Variants in OR4D1 observed in about 807,000 individuals in gnomAD.
The protein encoded by OR4D1 is olfactory receptor 4D1.
Under a neutral mutation model 14.2 loss-of-function variants are expected in OR4D1, and 10 were observed. The ratio of observed to expected loss-of-function variants is 0.71; its 90% CI spans 0.44 to 1.20. OR4D1 has a LOEUF of 1.20. Ranked by LOEUF, OR4D1 falls within the 50% of genes most tolerant of loss-of-function variation. The pLI is 0.00. For missense variants in OR4D1, 345 were observed against 376.6 expected, an observed-to-expected ratio of 0.92 and a Z score of 0.70; for synonymous variants, 141 against 147.4, an observed-to-expected ratio of 0.96 and a Z score of 0.32.
At position 58,158,287 on chromosome 17, in the gene OR4D1, A is replaced by T. The variant is rs1967803643; in HGVS notation, c.*2201A>T. ...TTGATGGGATGATTGACTTCTGCTT[A>T]TGGAAAACAAATATTAGAATTGGAC... On this transcript the variant is annotated 3_prime_UTR_variant, in exon 4 of 4. Transcript: ENST00000268912. 6.6e-6 allele frequency: 1 copy of T among 152,228 alleles called. No homozygotes were observed. The highest frequency in any genetic ancestry group is 2.4e-5 in the African/African-American group (1 of 41,458). 9.4% of individuals were successfully genotyped at this position (152,228 alleles called of 1,614,324 possible).
intron 1 of OR4D1, among the ~76,000 whole-genome samples, chr17:58,149,055 C>T (rs564894463): frequency 1.3e-5 from 2 of 152,298 alleles, no homozygotes; most frequent in Admixed American, 6.5e-5. Flanking sequence ...ATTTTGGGAA[C>T]CCACTTATTC....
chr17:58,157,226 G>A lies in OR4D1; in HGVS notation c.*1140G>A. 1 of 1,465,060 alleles carries A rather than the reference G, an allele frequency of 6.8e-7. No homozygotes were observed. The highest frequency in any genetic ancestry group is 2.5e-5 in the East Asian group (1 of 40,314). 90.8% of individuals were successfully genotyped at this position (1,465,060 alleles called of 1,614,324 possible). A position where few individuals can be genotyped will look rare whatever the true frequency, so the allele number is the denominator to read the frequency against. On this transcript the variant is annotated 3_prime_UTR_variant, in exon 4 of 4. Coordinates refer to ENST00000268912, the MANE Select transcript of OR4D1 (RefSeq NM_001386095.1). The stretch of plus-strand genomic sequence containing the variant: ...AAAGCGCCTCTTCCGGGGCCACCCT[G>A]CGGCTACTGCTGCTGCCGGGGCACG...
rs140837404 is a variant in OR4D1 at position 58,156,083 on chromosome 17, G to GT, written c.931dup (p.Ter311LeufsTer5). ...GCAAGTGCCTAGTAATTTGCAGGGA[G>GT]TAAACTTTAAGTAAGTTGACTTTAA... is the stretch of plus-strand genomic sequence containing the variant. On this transcript the variant is annotated frameshift_variant, in exon 4 of 4. Coordinates refer to ENST00000268912, the MANE Select transcript of OR4D1 (RefSeq NM_001386095.1). LOFTEE classifies it high-confidence loss of function. 5.8e-3 allele frequency: 9,126 copies of GT among 1,570,894 alleles called. 133 individuals are homozygous for GT. The highest frequency in any genetic ancestry group is 0.058 in the African/African-American group (4,257 of 73,680).
In OR4D1 at chr17:58,149,746, C is replaced by T. The variant is rs1967678573; in HGVS notation, c.-177C>T. 2 of 152,214 alleles carry T rather than the reference C, an allele frequency of 1.3e-5. No individual in the cohort carries two copies. Among genetic ancestry groups the T allele is most frequent in the Admixed American group, 1.3e-4 (2 of 15,286 alleles). 9.4% of individuals were successfully genotyped at this position (152,214 alleles called of 1,614,324 possible). On this transcript the variant is annotated 5_prime_UTR_variant, in exon 2 of 4. Coordinates refer to ENST00000268912, the MANE Select transcript of OR4D1 (RefSeq NM_001386095.1). ...GATGAAGGCACTGAGACCTGAGGGA[C>T]CGAAGAAGAGATAAGTTTGGCTGAA...
In OR4D1 at chr17:58,156,937, C is replaced by T; in HGVS notation, c.*851C>T. 1.5e-6 allele frequency: 1 copy of T among 650,948 alleles called. No individual in the cohort carries two copies. Among genetic ancestry groups the T allele is most frequent in the South Asian group, 1.6e-5 (1 of 61,342 alleles). 40.3% of individuals were successfully genotyped at this position (650,948 alleles called of 1,614,324 possible). A position where few individuals can be genotyped will look rare whatever the true frequency, so the allele number is the denominator to read the frequency against. ...TTAGAAAGTTATCTCGCCCTCCCTC[C>T]TCCCCCACAAAAAAAGTTTGAGTCG... On this transcript the variant is annotated 3_prime_UTR_variant, in exon 4 of 4. Transcript: ENST00000268912.
rs566358566 is a variant in OR4D1, at chr17:58,154,201, C to G, written c.-20+238C>G. Among the ~76,000 whole-genome samples the G allele has an allele frequency of 4.0e-5, 6 of 151,656 alleles. No homozygotes were observed. In the East Asian group the frequency reaches 9.7e-4, roughly 24 times the overall value. ...TCTCAAACTCCTGGCCTCAAGTGAT[C>G]CTCTTGCCTTGGCTTCCCAAAGTAG... On this transcript the variant is annotated intron_variant, in intron 3 of 3. Transcript: ENST00000268912.
In OR4D1 at chr17:58,148,778, G is replaced by A. The variant is rs576954977; in HGVS notation, c.-495+194G>A. 4.6e-5 allele frequency among the ~76,000 whole-genome samples: 7 copies of A among 152,162 alleles called. No homozygotes were observed. In the East Asian group the frequency reaches 9.6e-4, roughly 21 times the overall value. On this transcript the variant is annotated intron_variant, in intron 1 of 3. Transcript: ENST00000268912. ...ATAGACATACACTGTTATCTCCCCC[G>A]CCTCCCACATACATACTACAGCTTC... is the stretch of plus-strand genomic sequence containing the variant.
rs149874258 is a variant in OR4D1, at chr17:58,157,814, G to C, written c.*1728G>C. On this transcript the variant is annotated 3_prime_UTR_variant, in exon 4 of 4. Coordinates refer to ENST00000268912, the MANE Select transcript of OR4D1 (RefSeq NM_001386095.1). ...GTACCACCTGTCCTAAGGAAGACCA[G>C]ATCAATAGACTCCATGATGGATGTT... The C allele has an allele frequency of 5.5e-4, 884 of 1,601,134 alleles. No homozygotes were observed. In the African/African-American group the frequency reaches 9.8e-3, roughly 18 times the overall value.
At chr17:58,151,188 C>T (rs778271986) in intron 2 of OR4D1, among the ~76,000 whole-genome samples, 9 of 151,994 alleles carry the variant, frequency 5.9e-5, no homozygotes, top group Non-Finnish European at 1.2e-4. Context: ...AGTCTTAAAA[C>T]CCCTCATGGA....
chr17:58,155,195 CTT>C lies in OR4D1; in HGVS notation c.43_44del (p.Leu15ArgfsTer37). 6.2e-7 allele frequency: 1 copy of C among 1,614,162 alleles called. No individual in the cohort carries two copies. The highest frequency in any genetic ancestry group is 8.5e-7 in the Non-Finnish European group (1 of 1,180,016). On this transcript the variant is annotated frameshift_variant, in exon 4 of 4. Coordinates refer to ENST00000268912, the MANE Select transcript of OR4D1 (RefSeq NM_001386095.1). LOFTEE classifies it high-confidence loss of function. ...NTTQVSMFVL[L>X]GFSQTQELQK... is the part of the protein sequence containing the mutation. ...CCACACAGGTATCAATGTTTGTCCTCTTAGGGTTTTCACAGACCCAAGAGCTC... is the reference window on the plus strand; with the variant it reads ...CCACACAGGTATCAATGTTTGTCCTCAGGGTTTTCACAGACCCAAGAGCTC...
chr17:58,157,034 G>T lies in OR4D1; in HGVS notation c.*948G>T. 1 of 1,075,396 alleles carries T rather than the reference G, an allele frequency of 9.3e-7. No homozygotes were observed. The highest frequency in any genetic ancestry group is 2.1e-5 in the Admixed American group (1 of 48,588). 66.6% of individuals were successfully genotyped at this position (1,075,396 alleles called of 1,614,324 possible). Reference sequence around the variant, plus strand: ...CAGGGAAGGCATGGCTTCTGTTTTCGTCCAATGAGAAGGGGCCAGCGGTGG... The same window carrying T: ...CAGGGAAGGCATGGCTTCTGTTTTCTTCCAATGAGAAGGGGCCAGCGGTGG... On this transcript the variant is annotated 3_prime_UTR_variant, in exon 4 of 4. Transcript: ENST00000268912.
rs982847861 is a variant in OR4D1, at chr17:58,157,647, T to C, written c.*1561T>C. The C allele has an allele frequency of 2.5e-6, 4 of 1,613,838 alleles. No homozygotes were observed. Among genetic ancestry groups the C allele is most frequent in the Non-Finnish European group, 1.7e-6 (2 of 1,179,852 alleles). The stretch of plus-strand genomic sequence containing the variant: ...CTGAAAATGGCTGCAAAACCTATGC[T>C]ACCCTCCAGCTTCAGTCTCCCTTTC... On this transcript the variant is annotated 3_prime_UTR_variant, in exon 4 of 4. Transcript: ENST00000268912.
chr17:58,149,960 C>T (rs912917451), intron 2 of OR4D1, among the ~76,000 whole-genome samples, 164 bp downstream of exon 2: 2 of 152,174 alleles, frequency 1.3e-5, no homozygotes, highest in Admixed American at 6.5e-5. Context: ...ATGGTACTTA[C>T]TATACTTATA....
chr17:58,157,613 C>G lies in OR4D1; in HGVS notation c.*1527C>G. 1 of 1,613,766 alleles carries G rather than the reference C, an allele frequency of 6.2e-7. No homozygotes were observed. The highest frequency in any genetic ancestry group is 8.5e-7 in the Non-Finnish European group (1 of 1,179,776). ...GACGAAAAGACTGCAGGAGTCAGAA[C>G]TGGAAAAGCTGAAAATGGCTGCAAA... On this transcript the variant is annotated 3_prime_UTR_variant, in exon 4 of 4. Transcript: ENST00000268912.
chr17:58,155,869 C>T lies in OR4D1; in HGVS notation c.716C>T (p.Thr239Ile), dbSNP rs757970517. 5.0e-6 allele frequency: 8 copies of T among 1,614,024 alleles called. No individual in the cohort carries two copies. In the Admixed American group the frequency reaches 1.2e-4, roughly 24 times the overall value. Residue 239 changes from threonine (T) to isoleucine (I), a missense_variant, in exon 4 of 4, where the codon ACC becomes ATC. Transcript: ENST00000268912. The stretch of plus-strand genomic sequence containing the variant: ...AAGGCAAGGAGGAAGGCAGCTTCCA[C>T]CTGCACCACCCACATCATCGTGGTG... ...SGKARRKAAS[T>I]CTTHIIVVSM... is the part of the protein sequence containing the mutation.
Position 58,155,564 on chromosome 17 carries a change from C to T in OR4D1, c.411C>T (p.Asn137=), listed in dbSNP as rs752893367. 1 of 1,614,172 alleles carries T rather than the reference C, an allele frequency of 6.2e-7. No individual in the cohort carries two copies. The highest frequency in any genetic ancestry group is 1.7e-5 in the Admixed American group (1 of 60,028). The change falls in exon 4 of 4, where the codon AAC becomes AAT. Residue 137 remains asparagine, a synonymous_variant. Coordinates refer to ENST00000268912, the MANE Select transcript of OR4D1 (RefSeq NM_001386095.1). ...SQPLRYVTIM[N]TQLCVGLVVA... is the part of the protein sequence containing the mutation. Reference sequence around the variant, plus strand: ...CCCTCCGGTATGTCACCATCATGAACACTCAATTGTGTGTGGGCCTGGTAG... The same window carrying T: ...CCCTCCGGTATGTCACCATCATGAATACTCAATTGTGTGTGGGCCTGGTAG...
At chr17:58,152,018 G>A (rs979847029) in intron 2 of OR4D1, among the ~76,000 whole-genome samples, 12 of 152,120 alleles carry the variant, frequency 7.9e-5, no homozygotes, top group African/African-American at 2.9e-4. Context: ...ATAATGCTGA[G>A]TATTACAAGT....
rs558706039 is a variant in OR4D1, at chr17:58,155,977, A to G, written c.824A>G (p.Tyr275Cys). 4.1e-5 allele frequency: 66 copies of G among 1,613,972 alleles called. No individual in the cohort carries two copies. Among genetic ancestry groups the G allele is most frequent in the South Asian group, 3.5e-4 (32 of 91,074 alleles). ...ATGGACAAGGCTGTGTCCATCAGCT[A>G]CACAGTCATGACCCCCATGCTCAAC... ...FLMDKAVSISYTVMTPMLNPM... is the reference protein window; with the variant it reads ...FLMDKAVSISCTVMTPMLNPM... The change falls in exon 4 of 4, where the codon TAC (tyrosine) becomes TGC (cysteine). Residue 275 changes from tyrosine to cysteine, a missense_variant. Physicochemically the swap from Tyr to Cys is radical, Grantham distance 194. Transcript: ENST00000268912.
chr17:58,148,956 C>G (rs1463166795), intron 1 of OR4D1, among the ~76,000 whole-genome samples: 3 of 152,164 alleles, frequency 2.0e-5, no homozygotes, highest in Non-Finnish European at 4.4e-5. Flanking sequence ...TTATTGCTGT[C>G]CCTCCATCTT....
Sources: gnomAD v4.1 joint callset for allele counts (sites outside exome capture counted in the v4.1 genomes callset) on GRCh38, gnomAD v4.1.1 for gene constraint, MANE v1.5 for transcripts, NCBI Gene and HGNC (gene_info 2026-07-23, HGNC 2026-07-21) for gene names.